Variants in ADAMTS12 observed in about 807,000 individuals in gnomAD.
The protein encoded by ADAMTS12 is A disintegrin and metalloproteinase with thrombospondin motifs 12.
A neutral mutation model predicts 167.8 loss-of-function variants in ADAMTS12; 118 were observed. That is an observed-to-expected ratio of 0.70 (90% CI 0.61 to 0.82). The LOEUF (loss-of-function observed/expected upper bound fraction) is 0.82. Among genes scored for constraint, ADAMTS12 ranks in the 40% least tolerant of loss-of-function variants. The pLI is 0.00. For missense variants in ADAMTS12, 1,916 were observed against 1,998.8 expected (o/e 0.96, Z 0.79); for synonymous variants, 704 against 716.9 (o/e 0.98, Z 0.29).
chr5:33,566,728 CT>C (rs1746034104), intron 19 of ADAMTS12, among the ~76,000 whole-genome samples: 1 of 152,078 alleles, frequency 6.6e-6, no homozygotes, highest in Non-Finnish European at 1.5e-5. Context: ...CACCATAATC[CT>C]TTTTCTTCTT....
chr5:33,822,338 GA>G (rs1690578706), intron 2 of ADAMTS12, among the ~76,000 whole-genome samples: 1 of 152,148 alleles, frequency 6.6e-6, no homozygotes, highest in African/African-American at 2.4e-5. Context: ...TGCCCACTTG[GA>G]CACAGAGCAT....
chr5:33,579,196 C>T (rs1237652842), intron 18 of ADAMTS12, among the ~76,000 whole-genome samples: 1 of 152,194 alleles, frequency 6.6e-6, no homozygotes, highest in Non-Finnish European at 1.5e-5. Flanking sequence ...CGCTGAGTCC[C>T]TCTCCATTTA....
rs143234429 is a variant in ADAMTS12 at position 33,881,466 on chromosome 5, C to T, written c.142G>A (p.Gly48Ser). 110 of 1,612,212 alleles carry T rather than the reference C, an allele frequency of 6.8e-5. 1 individual carries two copies. In the African/African-American group the frequency reaches 1.3e-3, roughly 19 times the overall value. The change falls in exon 2 of 24, where the codon GGC (glycine) becomes AGC (serine). Residue 48 changes from glycine to serine, a missense_variant. Gly to Ser is a moderately conservative substitution (Grantham distance 56). Coordinates refer to ENST00000504830, the MANE Select transcript of ADAMTS12 (RefSeq NM_030955.4). Reference protein sequence around the residue: ...PDRRQEHFIKGLPEYHVVGPV... With the variant: ...PDRRQEHFIKSLPEYHVVGPV... ...CCCACCACGTGGTATTCTGGCAGGC[C>T]CTTGATAAAATGCTCTGAAAGAAAA...
chr5:33,684,101 A>C, intron 3 of ADAMTS12, 46 bp from the exon 4 acceptor site: 11 of 1,292,236 alleles, frequency 8.5e-6, no homozygotes, highest in Non-Finnish European at 1.0e-5. Context: ...TATATGTCTC[A>C]TATATTATCT....
At chr5:33,717,122 T>G (rs993250835) in intron 3 of ADAMTS12, among the ~76,000 whole-genome samples, 13 of 150,006 alleles carry the variant, frequency 8.7e-5, no homozygotes, top group African/African-American at 2.9e-4. Flanking sequence ...ATTGTAGGTT[T>G]TTTTTTTTTT....
At position 33,549,349 on chromosome 5, in the gene ADAMTS12, C is replaced by T. The variant is rs745489312; in HGVS notation, c.4160G>A (p.Arg1387His). ...SRNCSGGFKI[R>H]EIQCVDSRDH... Reference sequence around the variant, plus strand: ...CCGGCTGTCCACGCACTGAATCTCGCGTATCTTGAAGCCCCCACTGCAGTT... The same window carrying T: ...CCGGCTGTCCACGCACTGAATCTCGTGTATCTTGAAGCCCCCACTGCAGTT... The change falls in exon 21 of 24, where the codon CGC becomes CAC. Residue 1387 changes from arginine (R) to histidine (H), a missense_variant. Coordinates refer to ENST00000504830, the MANE Select transcript of ADAMTS12 (RefSeq NM_030955.4). 21 of 1,614,072 alleles carry T rather than the reference C, an allele frequency of 1.3e-5. No individual in the cohort carries two copies. The highest frequency in any genetic ancestry group is 1.7e-5 in the Admixed American group (1 of 60,030).
intron 2 of ADAMTS12, among the ~76,000 whole-genome samples, chr5:33,868,019 C>T (rs1749888805): frequency 6.6e-6 from 1 of 152,110 alleles, no homozygotes; most frequent in South Asian, 2.1e-4. Flanking sequence ...TCTCTTTCCT[C>T]CTCTGGCCGT....
At chr5:33,751,264 T>C in intron 3 of ADAMTS12, 140 bp downstream of exon 3, 1 of 1,058,874 alleles carries the variant, frequency 9.4e-7, no homozygotes, top group Non-Finnish European at 1.4e-6. Context: ...ACAGAAGAGA[T>C]TTGAATGTCA....
chr5:33,592,164 G>A (rs1747676135), intron 17 of ADAMTS12, among the ~76,000 whole-genome samples: 1 of 152,164 alleles, frequency 6.6e-6, no homozygotes, highest in Non-Finnish European at 1.5e-5. Flanking sequence ...GGGAGGCGGA[G>A]GTTGCGGTGA....
intron 3 of ADAMTS12, among the ~76,000 whole-genome samples, chr5:33,740,191 A>AG (rs1158045466): frequency 1.6e-4 from 25 of 152,218 alleles, no homozygotes; most frequent in Admixed American, 2.6e-4. Context: ...TGAAGAACAG[A>AG]GAAAAATATA....
intron 2 of ADAMTS12, among the ~76,000 whole-genome samples, chr5:33,820,714 T>C (rs1031442170): frequency 4.6e-5 from 7 of 152,084 alleles, no homozygotes; most frequent in Admixed American, 2.6e-4. Context: ...AACAAAGACA[T>C]AGACAACCTA....
At chr5:33,593,487 A>G (rs1286515767) in intron 17 of ADAMTS12, among the ~76,000 whole-genome samples, 2 of 152,230 alleles carry the variant, frequency 1.3e-5, no homozygotes, top group Non-Finnish European at 2.9e-5. Flanking sequence ...TCTACAAATT[A>G]GGGTTGCTTA....
intron 18 of ADAMTS12, among the ~76,000 whole-genome samples, chr5:33,578,961 C>T (rs564826215): frequency 7.9e-5 from 12 of 152,184 alleles, no homozygotes; most frequent in East Asian, 3.9e-4. Flanking sequence ...ATAATTTGGG[C>T]GGAAATGATG....
At chr5:33,837,560 G>GAT (rs1257443649) in intron 2 of ADAMTS12, among the ~76,000 whole-genome samples, 17 of 152,104 alleles carry the variant, frequency 1.1e-4, no homozygotes, top group Admixed American at 6.5e-4. Context: ...CACAGGGCAG[G>GAT]GCATGTCTTT....
chr5:33,702,756 G>A (rs1014579493), intron 3 of ADAMTS12, among the ~76,000 whole-genome samples: 4 of 152,166 alleles, frequency 2.6e-5, no homozygotes, highest in African/African-American at 9.7e-5. Context: ...GGCAGGTCCA[G>A]GACAGTTCAT....
At chr5:33,594,875 C>A (rs960437822) in intron 17 of ADAMTS12, among the ~76,000 whole-genome samples, 3 of 152,158 alleles carry the variant, frequency 2.0e-5, no homozygotes, top group African/African-American at 7.2e-5. Context: ...TCTTTCTAAC[C>A]TAGTTCTTGG....
chr5:33,600,628 G>A (rs746666268), intron 16 of ADAMTS12, among the ~76,000 whole-genome samples: 37 of 152,290 alleles, frequency 2.4e-4, no homozygotes, highest in Non-Finnish European at 4.9e-4. Flanking sequence ...ATTACAGCAT[G>A]TGAAAGTTTC....
In ADAMTS12 at chr5:33,643,341, C is replaced by T. The variant is rs189611195; in HGVS notation, c.1572+37G>A. The T allele has an allele frequency of 6.5e-4, 1,045 of 1,607,472 alleles. 7 individuals are homozygous for T. In the African/African-American group the frequency reaches 0.013, roughly 20 times the overall value. The stretch of plus-strand genomic sequence containing the variant: ...CAGCTCCTCCCAAGAACTCTGCCCA[C>T]CGCCCTCCCACCTCATTCCTCGGCC... On this transcript the variant is annotated intron_variant, in intron 10 of 23. Coordinates refer to ENST00000504830, the MANE Select transcript of ADAMTS12 (RefSeq NM_030955.4).
chr5:33,713,818 T>A (rs547888275), intron 3 of ADAMTS12, among the ~76,000 whole-genome samples: 2 of 152,286 alleles, frequency 1.3e-5, no homozygotes, highest in African/African-American at 4.8e-5. Context: ...ACTGATTATA[T>A]GACAAGAATC....
Sources: allele counts gnomAD v4.1 joint callset (sites outside exome capture counted in the v4.1 genomes callset), GRCh38; gene constraint gnomAD v4.1.1; transcripts MANE v1.5; gene names NCBI Gene and HGNC (gene_info 2026-07-23, HGNC 2026-07-21).